The following RPS6KA5 variants were observed in gnomAD, a reference collection of about 807,000 sequenced individuals.
The protein encoded by RPS6KA5 is ribosomal protein S6 kinase alpha-5.
RPS6KA5 carries 27 observed loss-of-function variants against 85.5 expected under a neutral mutation model. The observed-to-expected ratio is 0.32, with a 90% confidence interval of 0.23 to 0.44. RPS6KA5 has a LOEUF of 0.44. Among genes scored for constraint, RPS6KA5 ranks in the 20% least tolerant of loss-of-function variants. RPS6KA5 has a pLI of 1.00. For synonymous variants in RPS6KA5, 334 were observed against 348.2 expected (o/e 0.96, Z 0.46); for missense variants, 811 against 980.9 (o/e 0.83, Z 2.31).
rs1456064029 is a variant in RPS6KA5, at chr14:90,856,902, G to A, written c.*15172C>T. ...TGCCCATTCTGGACATTTCATGTAAGTGGAATCATACAATACGTGGCCTTG... is the reference window on the plus strand; with the variant it reads ...TGCCCATTCTGGACATTTCATGTAAATGGAATCATACAATACGTGGCCTTG... On this transcript the variant is annotated 3_prime_UTR_variant, in exon 17 of 17. Transcript: ENST00000614987. 1.2e-5 allele frequency: 2 copies of A among 168,222 alleles called. No individual in the cohort carries two copies. Among genetic ancestry groups the A allele is most frequent in the East Asian group, 1.7e-4 (1 of 5,724 alleles). 10.4% of individuals were successfully genotyped at this position (168,222 alleles called of 1,614,324 possible). A position where few individuals can be genotyped will look rare whatever the true frequency, so the allele number is the denominator to read the frequency against.
intron 5 of RPS6KA5, among the ~76,000 whole-genome samples, chr14:90,925,364 G>C (rs1236683218): frequency 6.6e-6 from 1 of 152,258 alleles, no homozygotes; most frequent in East Asian, 1.9e-4. Context: ...ACAAACTACA[G>C]AAAAATAAAT....
Position 90,871,936 on chromosome 14 carries a change from G to A in RPS6KA5, c.*138C>T. ...GCTTTTGAATGAGGATAACCAAACA[G>A]GTTTTCCTGAAAAAAATCATTAGGA... On this transcript the variant is annotated 3_prime_UTR_variant, in exon 17 of 17. Coordinates refer to ENST00000614987, the MANE Select transcript of RPS6KA5 (RefSeq NM_004755.4). 1 of 1,132,452 alleles carries A rather than the reference G, an allele frequency of 8.8e-7. No individual in the cohort carries two copies. The highest frequency in any genetic ancestry group is 1.5e-5 in the South Asian group (1 of 64,994). 70.2% of individuals were successfully genotyped at this position (1,132,452 alleles called of 1,614,324 possible). A position where few individuals can be genotyped will look rare whatever the true frequency, so the allele number is the denominator to read the frequency against.
intron 3 of RPS6KA5, among the ~76,000 whole-genome samples, chr14:90,963,903 A>G (rs1169672436): frequency 6.6e-6 from 1 of 152,186 alleles, no homozygotes; most frequent in East Asian, 1.9e-4. Context: ...GTATCAGAGC[A>G]CAGTAGTGGG....
intron 16 of RPS6KA5, 131 bp from the exon 17 acceptor site, chr14:90,872,453 T>C: frequency 8.7e-7 from 1 of 1,148,140 alleles, no homozygotes; most frequent in Non-Finnish European, 1.2e-6. Context: ...GGAACAAAGC[T>C]CTTAAAACCT....
At chr14:90,997,209 G>T (rs964917692) in intron 2 of RPS6KA5, among the ~76,000 whole-genome samples, 1 of 152,138 alleles carries the variant, frequency 6.6e-6, no homozygotes, top group Admixed American at 6.5e-5. Context: ...AAAGGAAGAA[G>T]ATCATTCTCA....
intron 2 of RPS6KA5, among the ~76,000 whole-genome samples, chr14:90,984,756 A>G (rs1595401679): frequency 1.3e-5 from 2 of 152,224 alleles, no homozygotes; most frequent in East Asian, 3.8e-4. Flanking sequence ...TGGCTATAAT[A>G]AAGAAAAGTT....
At chr14:91,018,346 T>C (rs1310008720) in intron 1 of RPS6KA5, among the ~76,000 whole-genome samples, 1 of 152,206 alleles carries the variant, frequency 6.6e-6, no homozygotes, top group Non-Finnish European at 1.5e-5. Context: ...GTCAACTTGA[T>C]TGGATTGAAG....
At chr14:91,007,512 AT>A (rs1255491396) in intron 1 of RPS6KA5, among the ~76,000 whole-genome samples, 2 of 152,140 alleles carry the variant, frequency 1.3e-5, no homozygotes, top group Non-Finnish European at 2.9e-5. Flanking sequence ...AGCTCTTAGA[AT>A]TTTTTTATAT....
intron 4 of RPS6KA5, 59 bp from the exon 5 acceptor site, chr14:90,943,244 G>T: frequency 2.2e-6 from 2 of 894,372 alleles, no homozygotes; most frequent in Non-Finnish European, 3.5e-6. Context: ...AATTAGGGCA[G>T]TCTTTCTCGT....
intron 1 of RPS6KA5, among the ~76,000 whole-genome samples, chr14:91,014,297 T>C (rs1595473697): frequency 6.6e-6 from 1 of 151,320 alleles, no homozygotes; most frequent in Non-Finnish European, 1.5e-5. Flanking sequence ...GGTCAAGAGG[T>C]CGAGACCATC....
chr14:90,954,491 G>GA (rs2038396471), intron 3 of RPS6KA5, among the ~76,000 whole-genome samples: 2 of 152,196 alleles, frequency 1.3e-5, no homozygotes, highest in Non-Finnish European at 2.9e-5. Context: ...TCAGCTCCCT[G>GA]AAACCTCCGC....
At chr14:90,966,547 G>T (rs1362434954) in intron 3 of RPS6KA5, among the ~76,000 whole-genome samples, 1 of 152,186 alleles carries the variant, frequency 6.6e-6, no homozygotes, top group Non-Finnish European at 1.5e-5. Flanking sequence ...GCTTTAGAGA[G>T]TACAGTGTAC....
intron 9 of RPS6KA5, among the ~76,000 whole-genome samples, chr14:90,901,434 T>C (rs2035164432): frequency 6.6e-6 from 1 of 152,228 alleles, no homozygotes; most frequent in Non-Finnish European, 1.5e-5. Flanking sequence ...CAAGTCTCAC[T>C]AAAGTTAGTT....
chr14:90,983,553 T>C (rs2039900282), intron 2 of RPS6KA5, among the ~76,000 whole-genome samples: 1 of 149,214 alleles, frequency 6.7e-6, no homozygotes, highest in African/African-American at 2.5e-5. Flanking sequence ...AGAGCTGAGA[T>C]CGTGCCACTT....
At chr14:90,963,222 T>C (rs957085600) in intron 3 of RPS6KA5, among the ~76,000 whole-genome samples, 2 of 152,220 alleles carry the variant, frequency 1.3e-5, no homozygotes, top group African/African-American at 4.8e-5. Context: ...GCAGGTTATG[T>C]ATTCTTGGAA....
At chr14:91,016,866 CA>C (rs34806962) in intron 1 of RPS6KA5, among the ~76,000 whole-genome samples, 55,206 of 120,674 alleles carry the variant, frequency 0.46, 10,331 homozygotes, top group East Asian at 0.51. Flanking sequence ...TCTAAACAGG[CA>C]AAAAAAAAAA....
At chr14:90,898,735 G>T (rs754814403) in intron 12 of RPS6KA5, among the ~76,000 whole-genome samples, 1 of 152,172 alleles carries the variant, frequency 6.6e-6, no homozygotes, top group Non-Finnish European at 1.5e-5. Flanking sequence ...GAACAGACAC[G>T]AACTGGACAC....
chr14:90,859,748 T>C lies in RPS6KA5; in HGVS notation c.*12326A>G, dbSNP rs568809660. The C allele has an allele frequency of 2.0e-5, 3 of 152,292 alleles. 1 individual carries two copies. Among genetic ancestry groups the C allele is most frequent in the Admixed American group, 1.3e-4 (2 of 15,288 alleles). 9.4% of individuals were successfully genotyped at this position (152,292 alleles called of 1,614,324 possible). A position where few individuals can be genotyped will look rare whatever the true frequency, so the allele number is the denominator to read the frequency against. On this transcript the variant is annotated 3_prime_UTR_variant, in exon 17 of 17. Transcript: ENST00000614987. ...GGATTGGAAAAAACTATTTGAAGAATGACTGGTTAAGAATTCTAATAAGGA... is the reference window on the plus strand; with the variant it reads ...GGATTGGAAAAAACTATTTGAAGAACGACTGGTTAAGAATTCTAATAAGGA...
At chr14:91,013,247 T>C (rs1264881661) in intron 1 of RPS6KA5, among the ~76,000 whole-genome samples, 1 of 152,236 alleles carries the variant, frequency 6.6e-6, no homozygotes, top group Non-Finnish European at 1.5e-5. Context: ...TGCTTACTTA[T>C]ATCCAACATT....
Sources: allele counts gnomAD v4.1 joint callset (sites outside exome capture counted in the v4.1 genomes callset), GRCh38; gene constraint gnomAD v4.1.1; transcripts MANE v1.5; gene names NCBI Gene and HGNC (gene_info 2026-07-23, HGNC 2026-07-21).